NEK1: variants seen among roughly 807,000 people sequenced by gnomAD.
The protein encoded by NEK1 is NIMA related kinase 1.
In NEK1, 137 loss-of-function variants were observed where a neutral mutation model predicts 182.1. The observed-to-expected ratio is 0.75, with a 90% CI of 0.65 to 0.87. NEK1 has a LOEUF of 0.87. Among genes scored for constraint, NEK1 ranks in the 40% least tolerant of loss-of-function variants. The probability of loss-of-function intolerance (pLI) is 0.00; values close to 1 mark genes in which losing one functional copy is unlikely to be tolerated. For synonymous variants in NEK1, 513 were observed against 492.2 expected (o/e 1.04, Z -0.56); for missense variants, 1,391 against 1,494.4 (o/e 0.93, Z 1.14).
At position 169,612,578 on chromosome 4, in the gene NEK1, G is replaced by A. The variant is rs112048469; in HGVS notation, c.-529C>T. 6.6e-6 allele frequency: 1 copy of A among 152,160 alleles called. No individual in the cohort carries two copies. The highest frequency in any genetic ancestry group is 1.5e-5 in the Non-Finnish European group (1 of 68,098). 9.4% of individuals were successfully genotyped at this position (152,160 alleles called of 1,614,324 possible). ...ACCTAGGGTCCCAAAACCCTGGAGC[G>A]AATGCGGACTAAGGGAGAGCGGCCG... On this transcript the variant is annotated 5_prime_UTR_variant, in exon 1 of 36. Coordinates refer to ENST00000507142, the MANE Select transcript of NEK1 (RefSeq NM_001199397.3).
chr4:169,535,681 C>A (rs533223557), intron 19 of NEK1, among the ~76,000 whole-genome samples: 6 of 151,600 alleles, frequency 4.0e-5, no homozygotes, highest in African/African-American at 1.5e-4. Flanking sequence ...GAGTTTGAGA[C>A]CAGCCTGGCC....
Position 169,555,784 on chromosome 4 carries a change from C to T in NEK1, c.1498G>A (p.Ala500Thr). Residue 500 changes from alanine (A) to threonine (T), a missense_variant, in exon 18 of 36, where the codon GCT (alanine) becomes ACT (threonine). Coordinates refer to ENST00000507142, the MANE Select transcript of NEK1 (RefSeq NM_001199397.3). ...GAAGHHHFPD[A>T]DDIRKTLKRL... The stretch of plus-strand genomic sequence containing the variant: ...TTCAAAGTTTTTCTAATATCATCAG[C>T]ATCAGGAAAATGGTGATGACCTGCA... 1 of 1,613,874 alleles carries T rather than the reference C, an allele frequency of 6.2e-7. No homozygotes were observed. Among genetic ancestry groups the T allele is most frequent in the Non-Finnish European group, 8.5e-7 (1 of 1,179,814 alleles).
intron 21 of NEK1, 103 bp downstream of exon 21, chr4:169,508,145 C>T (rs1036974442): frequency 2.1e-6 from 2 of 959,154 alleles, no homozygotes; most frequent in Admixed American, 6.2e-5. Context: ...CTGTCGTCAT[C>T]AGTTTTGTTG....
At chr4:169,438,288 C>T (rs1433115530) in intron 27 of NEK1, 29 bp from the exon 28 acceptor site, 5 of 1,498,226 alleles carry the variant, frequency 3.3e-6, no homozygotes, top group South Asian at 1.3e-5. Context: ...AAAAATCATG[C>T]TAGTTCTCAA....
chr4:169,458,977 A>G (rs1743434873), intron 27 of NEK1, among the ~76,000 whole-genome samples: 1 of 152,090 alleles, frequency 6.6e-6, no homozygotes, highest in Non-Finnish European at 1.5e-5. Context: ...TGTTCATTGG[A>G]GCATTTCAGA....
intron 27 of NEK1, among the ~76,000 whole-genome samples, chr4:169,449,177 C>T (rs563025882): frequency 6.6e-5 from 10 of 152,362 alleles, no homozygotes; most frequent in East Asian, 5.8e-4. Context: ...CGGAGCCCAC[C>T]GCAGCTCAAC....
At chr4:169,463,883 T>C (rs1016588610) in intron 26 of NEK1, among the ~76,000 whole-genome samples, 1 of 152,160 alleles carries the variant, frequency 6.6e-6, no homozygotes, top group Non-Finnish European at 1.5e-5. Context: ...CCCTCCCACC[T>C]TGGCTTCCCA....
chr4:169,444,353 C>T (rs1215859799), intron 27 of NEK1, among the ~76,000 whole-genome samples: 1 of 151,668 alleles, frequency 6.6e-6, no homozygotes, highest in Non-Finnish European at 1.5e-5. Flanking sequence ...AAAAAAATGA[C>T]CAAACTACAT....
intron 12 of NEK1, among the ~76,000 whole-genome samples, chr4:169,568,895 C>T (rs1278491945): frequency 6.7e-6 from 1 of 150,280 alleles, no homozygotes; most frequent in Non-Finnish European, 1.5e-5. Context: ...CGAGATCACG[C>T]CATTGCACTC....
At chr4:169,547,426 T>A (rs1760691225) in intron 18 of NEK1, among the ~76,000 whole-genome samples, 1 of 152,188 alleles carries the variant, frequency 6.6e-6, no homozygotes, top group Admixed American at 6.5e-5. Flanking sequence ...CATTTCAACC[T>A]TGGTGCATCT....
intron 31 of NEK1, among the ~76,000 whole-genome samples, chr4:169,422,981 C>G (rs2111313924): frequency 1.3e-5 from 2 of 152,096 alleles, no homozygotes; most frequent in Non-Finnish European, 2.9e-5. Context: ...TCACACCTTT[C>G]AAAAGACTGA....
intron 12 of NEK1, among the ~76,000 whole-genome samples, chr4:169,569,354 T>G (rs987533442): frequency 6.6e-6 from 1 of 152,184 alleles, no homozygotes; most frequent in African/African-American, 2.4e-5. Context: ...GCATACAATG[T>G]GTAATGATCA....
chr4:169,533,733 AAG>A (rs760274463), intron 19 of NEK1, among the ~76,000 whole-genome samples: 1 of 152,200 alleles, frequency 6.6e-6, no homozygotes, highest in Non-Finnish European at 1.5e-5. Context: ...ACACAGTAAA[AAG>A]AGAGAAAAAG....
At chr4:169,575,790 T>C (rs529503512) in intron 12 of NEK1, among the ~76,000 whole-genome samples, 101 of 152,176 alleles carry the variant, frequency 6.6e-4, no homozygotes, top group Non-Finnish European at 1.2e-3. Context: ...CAGTAAGGTC[T>C]GAATCTCAGC....
At chr4:169,531,584 A>G (rs1757687925) in intron 19 of NEK1, among the ~76,000 whole-genome samples, 1 of 152,060 alleles carries the variant, frequency 6.6e-6, no homozygotes, top group Admixed American at 6.6e-5. Flanking sequence ...CAGATAAGTG[A>G]TGGAATAAGG....
At chr4:169,581,477 G>T (rs1375058065) in intron 10 of NEK1, among the ~76,000 whole-genome samples, 1 of 152,126 alleles carries the variant, frequency 6.6e-6, no homozygotes, top group Non-Finnish European at 1.5e-5. Flanking sequence ...GGAGATGGGG[G>T]TCTCCTTATG....
intron 23 of NEK1, among the ~76,000 whole-genome samples, chr4:169,501,881 G>A (rs910041599): frequency 9.2e-5 from 14 of 151,896 alleles, no homozygotes; most frequent in Non-Finnish European, 1.5e-4. Context: ...GCTAGCCGAC[G>A]AAAAGAAATA....
intron 18 of NEK1, among the ~76,000 whole-genome samples, chr4:169,546,178 G>A (rs781587204): frequency 4.6e-5 from 7 of 152,170 alleles, no homozygotes; most frequent in African/African-American, 7.2e-5. Context: ...ATTCTGGTAC[G>A]TTGTGTCTTT....
Position 169,561,726 on chromosome 4 carries a change from T to G in NEK1, c.1152A>C (p.Leu384Phe). ...GCCTTTTCATTTGTTCAGCCTTCAT[T>G]AAACTAATAATCTGTAACAATTTTA... ...EKKQKDQIIS[L>F]MKAEQMKRQE... Residue 384 changes from leucine to phenylalanine, a missense_variant, in exon 15 of 36, where the codon TTA becomes TTC. Physicochemically the swap from Leu to Phe is conservative, Grantham distance 22. Coordinates refer to ENST00000507142, the MANE Select transcript of NEK1 (RefSeq NM_001199397.3). The G allele has an allele frequency of 1.3e-6, 2 of 1,576,048 alleles. No homozygotes were observed. Among genetic ancestry groups the G allele is most frequent in the Non-Finnish European group, 1.7e-6 (2 of 1,158,822 alleles).
Sources: allele counts gnomAD v4.1 joint callset (sites outside exome capture counted in the v4.1 genomes callset), GRCh38; gene constraint gnomAD v4.1.1; transcripts MANE v1.5; gene names NCBI Gene and HGNC (gene_info 2026-07-23, HGNC 2026-07-21).